MACROD2: variants seen among roughly 807,000 people sequenced by gnomAD.
MACROD2 encodes mono-ADP ribosylhydrolase 2.
In MACROD2, 36 loss-of-function variants were observed where a neutral mutation model predicts 70.4. The ratio of observed to expected loss-of-function variants is 0.51; its 90% CI spans 0.39 to 0.68. The LOEUF is 0.68. Among genes scored for constraint, MACROD2 ranks in the 30% least tolerant of loss-of-function variants. MACROD2 has a pLI of 0.00. For synonymous variants in MACROD2, 172 were observed against 178.8 expected (o/e 0.96, Z 0.30); for missense variants, 496 against 538.4 (o/e 0.92, Z 0.78).
intron 5 of MACROD2, among the ~76,000 whole-genome samples, chr20:15,209,963 G>A (rs1315660132): frequency 2.6e-5 from 4 of 152,162 alleles, no homozygotes; most frequent in African/African-American, 9.7e-5. Context: ...TGCTTTCTAT[G>A]GAGACTCTTT....
intron 5 of MACROD2, among the ~76,000 whole-genome samples, chr20:15,028,206 C>T (rs908323910): frequency 3.9e-5 from 6 of 152,190 alleles, no homozygotes; most frequent in Non-Finnish European, 5.9e-5. Flanking sequence ...AAGGCCATTT[C>T]GATAGAGAAT....
intron 5 of MACROD2, among the ~76,000 whole-genome samples, chr20:14,868,587 G>A (rs567936668): frequency 1.3e-5 from 2 of 152,066 alleles, no homozygotes; most frequent in African/African-American, 4.8e-5. Flanking sequence ...TAGAGTCTAG[G>A]GCCCAACTTT....
intron 2 of MACROD2, among the ~76,000 whole-genome samples, chr20:14,069,826 A>G (rs990779749): frequency 4.0e-5 from 6 of 151,508 alleles, no homozygotes; most frequent in South Asian, 2.1e-4. Context: ...ACTTTGACCA[A>G]TGGGACTGCA....
intron 6 of MACROD2, among the ~76,000 whole-genome samples, chr20:15,405,377 C>G (rs1231326424): frequency 1.3e-5 from 2 of 152,114 alleles, no homozygotes; most frequent in East Asian, 3.9e-4. Context: ...CAAATAAGGT[C>G]TTCTCTTTAC....
At chr20:14,746,066 A>G (rs1041169664) in intron 5 of MACROD2, among the ~76,000 whole-genome samples, 12 of 152,152 alleles carry the variant, frequency 7.9e-5, no homozygotes, top group Non-Finnish European at 1.5e-4. Flanking sequence ...TACTCCTCTC[A>G]TATTAGGAAG....
At chr20:14,871,996 A>G (rs376583282) in intron 5 of MACROD2, among the ~76,000 whole-genome samples, 6 of 152,166 alleles carry the variant, frequency 3.9e-5, no homozygotes, top group Non-Finnish European at 7.4e-5. Flanking sequence ...TATGCACCCG[A>G]CACAGTAGCA....
intron 3 of MACROD2, among the ~76,000 whole-genome samples, chr20:14,185,139 T>C (rs968750434): frequency 1.1e-4 from 17 of 152,100 alleles, no homozygotes; most frequent in African/African-American, 4.1e-4. Context: ...ATTCAATGCA[T>C]TGTAGTACAG....
At chr20:15,940,513 G>C (rs969764862) in intron 12 of MACROD2, among the ~76,000 whole-genome samples, 5 of 152,136 alleles carry the variant, frequency 3.3e-5, no homozygotes, top group Non-Finnish European at 5.9e-5. Context: ...CTTCATCACT[G>C]TCTTATTTTA....
chr20:14,927,999 G>C (rs1241329268), intron 5 of MACROD2, among the ~76,000 whole-genome samples: 1 of 152,160 alleles, frequency 6.6e-6, no homozygotes. Context: ...CTTTTAATTT[G>C]ACTCCATTCT....
intron 4 of MACROD2, among the ~76,000 whole-genome samples, chr20:14,532,218 C>CTTTTTT (rs1170533352): frequency 1.5e-5 from 2 of 131,466 alleles, no homozygotes; most frequent in African/African-American, 6.1e-5. Context: ...TATAACTAAT[C>CTTTTTT]TTTTTTTTTT....
chr20:14,003,058 A>C (rs6074674), intron 2 of MACROD2, among the ~76,000 whole-genome samples: 6,654 of 152,240 alleles, frequency 0.044, 215 homozygotes, highest in Non-Finnish European at 0.063. Context: ...TTGAATTAAC[A>C]CTCGTTGGTA....
intron 5 of MACROD2, among the ~76,000 whole-genome samples, chr20:15,019,311 C>A (rs775454521): frequency 1.7e-4 from 26 of 152,180 alleles, no homozygotes; most frequent in Non-Finnish European, 8.8e-5. Context: ...TTGAAATAAC[C>A]CTTTTATAAG....
intron 5 of MACROD2, among the ~76,000 whole-genome samples, chr20:14,877,873 G>T (rs1298174544): frequency 6.6e-6 from 1 of 152,026 alleles, no homozygotes; most frequent in Non-Finnish European, 1.5e-5. Flanking sequence ...GATTCAGTTT[G>T]CTAGCATTTT....
intron 5 of MACROD2, among the ~76,000 whole-genome samples, chr20:15,164,754 A>G (rs2076371923): frequency 1.3e-5 from 2 of 152,098 alleles, no homozygotes; most frequent in Non-Finnish European, 2.9e-5. Context: ...TAAAAAAGTT[A>G]GCCAGGCATG....
chr20:14,230,688 T>TAAAAACACAGGCTGGGCCC (rs1569217551), intron 3 of MACROD2, among the ~76,000 whole-genome samples: 10 of 124,564 alleles, frequency 8.0e-5, no homozygotes, highest in African/African-American at 3.4e-4. Context: ...TATATATATA[T>TAAAAACACAGGCTGGGCCC]ATATATATAT....
At chr20:14,094,270 T>A (rs941097327) in intron 3 of MACROD2, among the ~76,000 whole-genome samples, 2 of 152,166 alleles carry the variant, frequency 1.3e-5, no homozygotes, top group African/African-American at 2.4e-5. Flanking sequence ...TGATTATGAT[T>A]TGAATGCAGT....
chr20:14,295,802 G>A (rs1015797818), intron 3 of MACROD2, among the ~76,000 whole-genome samples: 7 of 151,868 alleles, frequency 4.6e-5, no homozygotes, highest in Admixed American at 4.6e-4. Context: ...CTAGCACTAA[G>A]TTTACTCTAT....
intron 3 of MACROD2, among the ~76,000 whole-genome samples, chr20:14,418,000 G>A (rs1358632247): frequency 1.3e-5 from 2 of 152,108 alleles, no homozygotes. Context: ...AATTTTGACA[G>A]CTAATCTTTT....
chr20:14,468,113 A>G (rs1474839097), intron 3 of MACROD2, among the ~76,000 whole-genome samples: 1 of 152,048 alleles, frequency 6.6e-6, no homozygotes, highest in East Asian at 1.9e-4. Flanking sequence ...AGTTCTGTAG[A>G]TGCCTATTAG....
Sources: allele counts gnomAD v4.1 joint callset (sites outside exome capture counted in the v4.1 genomes callset), GRCh38; gene constraint gnomAD v4.1.1; transcripts MANE v1.5; gene names NCBI Gene and HGNC (gene_info 2026-07-23, HGNC 2026-07-21).